Variants in ARAP2 observed in about 807,000 individuals in gnomAD.
ARAP2 encodes the protein ArfGAP with RhoGAP domain, ankyrin repeat and PH domain 2.
A neutral mutation model predicts 194.5 loss-of-function variants in ARAP2; 148 were observed. The ratio of observed to expected loss-of-function variants is 0.76; its 90% confidence interval spans 0.67 to 0.87. The LOEUF is 0.87. ARAP2 is among the 40% of genes least tolerant of loss of function. The pLI, the probability that ARAP2 is intolerant of heterozygous loss-of-function variation, is 0.00. For synonymous variants in ARAP2, 695 were observed against 683.5 expected (o/e 1.02, Z -0.26); for missense variants, 2,128 against 1,989.7 (o/e 1.07, Z -1.32).
At chr4:36,153,460 C>T (rs1731485440) in intron 15 of ARAP2, among the ~76,000 whole-genome samples, 1 of 152,168 alleles carries the variant, frequency 6.6e-6, no homozygotes, top group African/African-American at 2.4e-5. Flanking sequence ...TGTCTACCAA[C>T]ATAAAATTGG....
At chr4:36,154,893 T>C (rs13108288) in intron 15 of ARAP2, among the ~76,000 whole-genome samples, 37,229 of 152,144 alleles carry the variant, frequency 0.24, 5,097 homozygotes, top group South Asian at 0.32. Flanking sequence ...TTCATTTTTT[T>C]CCATAAATCT....
At chr4:36,194,688 C>T (rs1742690106) in intron 6 of ARAP2, among the ~76,000 whole-genome samples, 1 of 152,018 alleles carries the variant, frequency 6.6e-6, no homozygotes, top group Non-Finnish European at 1.5e-5. Context: ...TAATTGTTAG[C>T]AAATATGTTC....
rs922757972 is a variant in ARAP2 at position 36,014,321 on chromosome 4, A to G, written n.1056+1065T>C. Among the ~76,000 whole-genome samples the G allele has an allele frequency of 1.1e-3, 120 of 107,386 alleles. 1 individual carries two copies. The highest frequency in any genetic ancestry group is 1.4e-3 in the Non-Finnish European group (65 of 47,120). 70.4% of individuals were successfully genotyped at this position (107,386 alleles called of 152,430 possible). Reference sequence around the variant, plus strand: ...AGAAGAGAAGGAAGGAAAGAAAGAAAGAGAGAAAGAAAGAAAGAAAGAAAG... The same window carrying G: ...AGAAGAGAAGGAAGGAAAGAAAGAAGGAGAGAAAGAAAGAAAGAAAGAAAG... On this transcript the variant is annotated intron_variant and non_coding_transcript_variant, in intron 8 of 12. Transcript: ENST00000503225.
intron 5 of ARAP2, among the ~76,000 whole-genome samples, chr4:36,030,333 T>C (rs1273104488): frequency 6.6e-6 from 1 of 152,128 alleles, no homozygotes; most frequent in African/African-American, 2.4e-5. Context: ...ATTTTATTGG[T>C]GTCCTAGGGG....
chr4:36,211,060 A>G (rs1319781029), intron 5 of ARAP2, among the ~76,000 whole-genome samples: 1 of 152,242 alleles, frequency 6.6e-6, no homozygotes, highest in Admixed American at 6.6e-5. Flanking sequence ...CAATTTAAAC[A>G]TCTTTAATAG....
Position 36,183,076 on chromosome 4 carries a change from C to A in ARAP2, c.1678+4375G>T, listed in dbSNP as rs144444798. On this transcript the variant is annotated intron_variant, in intron 8 of 32. Coordinates refer to ENST00000303965, the MANE Select transcript of ARAP2 (RefSeq NM_015230.4). ...GGAGTCCTAGCAAGTTCCTAAAATA[C>A]ATTACGTCAGAAACTTCCAGAATAT... Among the ~76,000 whole-genome samples, 533 of 152,204 alleles carry A rather than the reference C, an allele frequency of 3.5e-3. 2 individuals carry two copies. Among genetic ancestry groups the A allele is most frequent in the Middle Eastern group, 0.014 (4 of 294 alleles).
At chr4:36,071,955 G>T (rs185370902) in intron 32 of ARAP2, among the ~76,000 whole-genome samples, 1 of 151,426 alleles carries the variant, frequency 6.6e-6, no homozygotes, top group Non-Finnish European at 1.5e-5. Flanking sequence ...GCGGTGTTTG[G>T]TTTTTTGTTC....
At chr4:36,127,959 A>G (rs1257322363) in intron 21 of ARAP2, among the ~76,000 whole-genome samples, 2 of 151,982 alleles carry the variant, frequency 1.3e-5, no homozygotes, top group Non-Finnish European at 2.9e-5. Context: ...CGTTTTACTA[A>G]AATTAATTTG....
At chr4:36,020,412 C>A (rs531655457) in intron 5 of ARAP2, among the ~76,000 whole-genome samples, 1 of 151,994 alleles carries the variant, frequency 6.6e-6, no homozygotes, top group African/African-American at 2.4e-5. Flanking sequence ...ACAAGGCCCC[C>A]GCCCCCACCT....
chr4:36,108,841 A>C (rs1357910359), intron 26 of ARAP2, among the ~76,000 whole-genome samples: 1 of 151,980 alleles, frequency 6.6e-6, no homozygotes, highest in East Asian at 1.9e-4. Context: ...AATTGAAAAT[A>C]ATAAGAAAAG....
intron 8 of ARAP2, among the ~76,000 whole-genome samples, chr4:36,187,091 G>A (rs1219398333): frequency 1.3e-5 from 2 of 152,158 alleles, no homozygotes; most frequent in Non-Finnish European, 2.9e-5. Context: ...CAACTTAATA[G>A]TTAGAAAAAT....
rs1728243216 is a variant in ARAP2 at position 36,141,252 on chromosome 4, A to G, written c.3263+6044T>C. ...GACAATATTATTTTTTTATTTGCACAAACAGTACTAAGGTCTAAAAGAAAA... is the reference window on the plus strand; with the variant it reads ...GACAATATTATTTTTTTATTTGCACGAACAGTACTAAGGTCTAAAAGAAAA... On this transcript the variant is annotated intron_variant, in intron 19 of 32. Coordinates refer to ENST00000303965, the MANE Select transcript of ARAP2 (RefSeq NM_015230.4). 3.3e-5 allele frequency among the ~76,000 whole-genome samples: 5 copies of G among 151,638 alleles called. No individual in the cohort carries two copies. In the South Asian group the frequency reaches 8.3e-4, roughly 25 times the overall value.
At chr4:36,085,094 CTTTA>C (rs993920932) in intron 28 of ARAP2, among the ~76,000 whole-genome samples, 1 of 151,942 alleles carries the variant, frequency 6.6e-6, no homozygotes, top group Non-Finnish European at 1.5e-5. Flanking sequence ...TTATCCATGT[CTTTA>C]TTTGTTTGTA....
At chr4:36,092,138 A>T in intron 27 of ARAP2, 118 bp from the exon 28 acceptor site, 1 of 1,193,904 alleles carries the variant, frequency 8.4e-7, no homozygotes, top group Non-Finnish European at 1.1e-6. Flanking sequence ...CTACCGCTAA[A>T]GTCTAAGGTG....
chr4:36,068,165 C>T lies in ARAP2; in HGVS notation c.4857G>A (p.Lys1619=). Residue 1619 remains lysine, a synonymous_variant, in exon 33 of 33, where the codon AAG becomes AAA. Transcript: ENST00000303965. ...ASMVAHCLEH[K]DDKLRNRPRK... is the part of the protein sequence containing the mutation. ...GGGGTCGATTTCGAAGTTTATCGTC[C>T]TTGTGCTCCAGGCAGTGGGCCACCA... 1 of 1,613,826 alleles carries T rather than the reference C, an allele frequency of 6.2e-7. No individual in the cohort carries two copies. The highest frequency in any genetic ancestry group is 8.5e-7 in the Non-Finnish European group (1 of 1,179,730).
At position 36,134,186 on chromosome 4, in the gene ARAP2, G is replaced by A. The variant is rs1003803817; in HGVS notation, c.3264-797C>T. Among the ~76,000 whole-genome samples the A allele has an allele frequency of 9.2e-5, 14 of 151,772 alleles. No individual in the cohort carries two copies. The South Asian group carries it at 2.1e-3, about 22-fold the overall frequency. ...GCACCTAGGACAACACTCAATAGAC[G>A]TAACATTAATGACTAATGTATAAAC... On this transcript the variant is annotated intron_variant, in intron 19 of 32. Transcript: ENST00000303965.
At chr4:36,050,432 AC>A (rs1192566330) in intron 3 of ARAP2, among the ~76,000 whole-genome samples, 2 of 152,156 alleles carry the variant, frequency 1.3e-5, no homozygotes, top group Non-Finnish European at 2.9e-5. Context: ...AAGCACAAAA[AC>A]CTAGAAAAAC....
intron 1 of ARAP2, among the ~76,000 whole-genome samples, chr4:36,237,197 G>A (rs1362447395): frequency 6.6e-6 from 1 of 152,192 alleles, no homozygotes; most frequent in African/African-American, 2.4e-5. Flanking sequence ...CAGTACAGCT[G>A]ATATAAGGCA....
intron 8 of ARAP2, among the ~76,000 whole-genome samples, chr4:36,180,258 G>A (rs1738920692): frequency 6.6e-6 from 1 of 151,848 alleles, no homozygotes; most frequent in Non-Finnish European, 1.5e-5. Flanking sequence ...GGCAACAAGA[G>A]CAAAACTTCG....
Sources: allele counts gnomAD v4.1 joint callset (sites outside exome capture counted in the v4.1 genomes callset), GRCh38; gene constraint gnomAD v4.1.1; transcripts MANE v1.5; gene names NCBI Gene and HGNC (gene_info 2026-07-23, HGNC 2026-07-21).